NDUFA5: variants seen among roughly 807,000 people sequenced by gnomAD.
NDUFA5 encodes the protein NADH:ubiquinone oxidoreductase subunit A5, also known as NADH dehydrogenase [ubiquinone] 1 alpha subcomplex subunit 5.
Under a neutral mutation model 19.8 loss-of-function variants are expected in NDUFA5, and 11 were observed. The ratio of observed to expected loss-of-function variants is 0.56; its 90% CI spans 0.35 to 0.92. The LOEUF is 0.92. Ranked by LOEUF, NDUFA5 falls within the 40% of genes least tolerant of loss-of-function variation. The pLI, the probability that NDUFA5 is intolerant of heterozygous loss-of-function variation, is 0.01. For synonymous variants in NDUFA5, 47 were observed against 46.8 expected (o/e 1.00, Z -0.01); for missense variants, 109 against 134.2 (o/e 0.81, Z 0.93).
At chr7:123,580,167 A>G in the NDUFA5 span, among the ~76,000 whole-genome samples, 1 of 152,008 alleles carries the variant, frequency 6.6e-6, no homozygotes, top group Admixed American at 6.6e-5. Context: ...GAGTGGCAAG[A>G]AAGGGCATTT....
intron 1 of NDUFA5, 117 bp downstream of exon 1, chr7:123,557,658 C>T (rs1798613122): frequency 1.2e-6 from 2 of 1,613,750 alleles, no homozygotes; most frequent in South Asian, 2.2e-5. Flanking sequence ...AGAACGAGTC[C>T]CCGAAAAGCA....
Position 123,545,660 on chromosome 7 carries a change from T to A in NDUFA5, c.200A>T (p.Lys67Ile). The A allele has an allele frequency of 6.2e-7, 1 of 1,609,204 alleles. No individual in the cohort carries two copies. Among genetic ancestry groups the A allele is most frequent in the Non-Finnish European group, 8.5e-7 (1 of 1,178,296 alleles). Residue 67 changes from lysine (K) to isoleucine (I), a missense_variant, in exon 4 of 5, where the codon AAA becomes ATA. By Grantham distance (102) the Lys-to-Ile change is moderately radical. Transcript: ENST00000355749. Reference protein sequence around the residue: ...AMVKAEPDVKKLEDQLQGGQL... With the variant: ...AMVKAEPDVKILEDQLQGGQL... ...ACCGCCTTGAAGTTGGTCTTCTAATTTTTTAACATCTGGTTCCTATAATTT... is the reference window on the plus strand; with the variant it reads ...ACCGCCTTGAAGTTGGTCTTCTAATATTTTAACATCTGGTTCCTATAATTT...
chr7:123,563,945 T>A, the NDUFA5 span, among the ~76,000 whole-genome samples: 1 of 152,022 alleles, frequency 6.6e-6, no homozygotes, highest in African/African-American at 2.4e-5. Context: ...AATACAAACA[T>A]CTATGAAAAA....
At chr7:123,575,020 G>T in the NDUFA5 span, among the ~76,000 whole-genome samples, 1 of 149,140 alleles carries the variant, frequency 6.7e-6, no homozygotes, top group Admixed American at 6.7e-5. Flanking sequence ...CCTAAGCAAT[G>T]AGTTAGGCTT....
chr7:123,546,798 AT>A (rs1217981685), intron 3 of NDUFA5: 2 of 772,134 alleles, frequency 2.6e-6, no homozygotes, highest in African/African-American at 3.6e-5. Flanking sequence ...TTAACTACTG[AT>A]AATTTGCATT....
rs1393271097 is a variant in NDUFA5, at chr7:123,540,329, T to C, written c.*1790A>G. The C allele has an allele frequency of 6.6e-6, 1 of 152,108 alleles. No individual in the cohort carries two copies. Among genetic ancestry groups the C allele is most frequent in the African/African-American group, 2.4e-5 (1 of 41,404 alleles). 9.4% of individuals were successfully genotyped at this position (152,108 alleles called of 1,614,324 possible). On this transcript the variant is annotated 3_prime_UTR_variant, in exon 5 of 5. Transcript: ENST00000355749. ...ATTTCTAATGCAAACACCAGTAAGG[T>C]CCCCTTTTAGCAAAAAAGTTCAGTA...
At chr7:123,572,542 C>T in the NDUFA5 span, among the ~76,000 whole-genome samples, 2 of 151,692 alleles carry the variant, frequency 1.3e-5, no homozygotes, top group African/African-American at 2.4e-5. Context: ...GTTTACCAAT[C>T]GTAAAGATTG....
intron 4 of NDUFA5, among the ~76,000 whole-genome samples, chr7:123,543,893 C>T (rs1788385576): frequency 6.6e-6 from 1 of 152,110 alleles, no homozygotes; most frequent in Non-Finnish European, 1.5e-5. Flanking sequence ...CTGAAACAGT[C>T]TACATTCATA....
chr7:123,557,495 T>C (rs1274526479), intron 1 of NDUFA5, 47 bp from the exon 2 acceptor site: 14 of 1,612,814 alleles, frequency 8.7e-6, no homozygotes, highest in Non-Finnish European at 1.0e-5. Context: ...ACGGTTTCCA[T>C]ACATCCAGCA....
the NDUFA5 span, among the ~76,000 whole-genome samples, chr7:123,580,533 A>G: frequency 5.3e-5 from 8 of 152,034 alleles, no homozygotes; most frequent in African/African-American, 1.7e-4. Flanking sequence ...CAATAATATG[A>G]CACCTACTTT....
chr7:123,593,181 G>T, the NDUFA5 span, among the ~76,000 whole-genome samples: 2 of 151,778 alleles, frequency 1.3e-5, no homozygotes, highest in Non-Finnish European at 2.9e-5. Context: ...ATGTGAGATG[G>T]GTCTCCTGAA....
chr7:123,561,878 G>A (rs1798693364), upstream of NDUFA5, among the ~76,000 whole-genome samples: 1 of 151,112 alleles, frequency 6.6e-6, no homozygotes, highest in African/African-American at 2.4e-5. Context: ...TTACAAGCGT[G>A]GCCACCGCAC....
rs1034309658 is a variant in NDUFA5, at chr7:123,539,655, A to G, written c.*2464T>C. On this transcript the variant is annotated 3_prime_UTR_variant, in exon 5 of 5. Transcript: ENST00000355749. ...GGATGTTTATAGGAAGCAACTGGGA[A>G]AAGACTGAAGGAGTAAAAACGATCA... 11 of 152,224 alleles carry G rather than the reference A, an allele frequency of 7.2e-5. No homozygotes were observed. Among genetic ancestry groups the G allele is most frequent in the Admixed American group, 7.2e-4 (11 of 15,286 alleles). 9.4% of individuals were successfully genotyped at this position (152,224 alleles called of 1,614,324 possible).
At chr7:123,544,764 T>TAAA (rs61556029) in intron 4 of NDUFA5, among the ~76,000 whole-genome samples, 4,293 of 61,426 alleles carry the variant, frequency 0.07, 201 homozygotes, top group African/African-American at 0.11. Flanking sequence ...ATGCAAATCT[T>TAAA]AAAAAAAAAA....
intron 4 of NDUFA5, 53 bp from the exon 5 acceptor site, chr7:123,542,273 T>C: frequency 7.5e-7 from 1 of 1,331,888 alleles, no homozygotes; most frequent in Non-Finnish European, 1.1e-6. Context: ...TCAACAGATA[T>C]TTATCAGAAC....
At chr7:123,565,609 G>A in the NDUFA5 span, among the ~76,000 whole-genome samples, 19 of 152,114 alleles carry the variant, frequency 1.2e-4, no homozygotes, top group East Asian at 1.7e-3. Flanking sequence ...GGCCGGGTGC[G>A]GTGGCTCACG....
the NDUFA5 span, among the ~76,000 whole-genome samples, chr7:123,564,638 A>G: frequency 6.6e-6 from 1 of 152,118 alleles, no homozygotes; most frequent in Admixed American, 6.6e-5. Flanking sequence ...ATACACATAC[A>G]CACATACACA....
the NDUFA5 span, among the ~76,000 whole-genome samples, chr7:123,575,252 A>G: frequency 9.2e-5 from 14 of 151,980 alleles, no homozygotes; most frequent in Non-Finnish European, 1.9e-4. Flanking sequence ...CTAGGAAAAA[A>G]CAATGAAACT....
chr7:123,547,356 T>A (rs7785188), intron 3 of NDUFA5, among the ~76,000 whole-genome samples: 40,457 of 152,036 alleles, frequency 0.27, 5,597 homozygotes, highest in East Asian at 0.32. Context: ...CTGCACTTAC[T>A]ATTTTCTAAC....
Sources: gnomAD v4.1 joint callset for allele counts (sites outside exome capture counted in the v4.1 genomes callset) on GRCh38, gnomAD v4.1.1 for gene constraint, MANE v1.5 for transcripts, NCBI Gene and HGNC (gene_info 2026-07-23, HGNC 2026-07-21) for gene names.